The following CTNNA2 variants were observed in gnomAD, a reference collection of about 807,000 sequenced individuals.
CTNNA2 encodes the protein catenin alpha-2.
A neutral mutation model predicts 101.0 loss-of-function variants in CTNNA2; 42 were observed. The ratio of observed to expected loss-of-function variants is 0.42; its 90% CI spans 0.32 to 0.54. CTNNA2 has a LOEUF of 0.54. Ranked by LOEUF, CTNNA2 falls within the 20% of genes least tolerant of loss-of-function variation. CTNNA2 has a pLI of 0.14. For synonymous variants in CTNNA2, 450 were observed against 456.4 expected, an observed-to-expected ratio of 0.99 and a Z score of 0.18; for missense variants, 871 against 1,223.1, an observed-to-expected ratio of 0.71 and a Z score of 4.29.
At chr2:79,217,657 G>A (rs969935252) in intron 2 of CTNNA2, among the ~76,000 whole-genome samples, 1 of 152,158 alleles carries the variant, frequency 6.6e-6, no homozygotes, top group Non-Finnish European at 1.5e-5. Context: ...GGATGTGTAC[G>A]TGCAGGTCAC....
chr2:79,192,969 T>C lies in CTNNA2; in HGVS notation c.-523-4990T>C, dbSNP rs114486068. ...CTCCTACCCAATCACATTCATTTCC[T>C]CCTCCCTTCAAGTTACTATCCTCTT... On this transcript the variant is annotated intron_variant, in intron 1 of 21. Coordinates refer to the CTNNA2 transcript ENST00000466387. Among the ~76,000 whole-genome samples, 428 of 152,302 alleles carry C rather than the reference T, an allele frequency of 2.8e-3. 1 individual carries two copies. Among genetic ancestry groups the C allele is most frequent in the African/African-American group, 1.0e-2 (414 of 41,576 alleles).
chr2:80,590,487 G>A (rs1696386981), intron 15 of CTNNA2, among the ~76,000 whole-genome samples: 1 of 151,898 alleles, frequency 6.6e-6, no homozygotes, highest in Non-Finnish European at 1.5e-5. Flanking sequence ...GATTTAACGT[G>A]GCATTTGTTA....
chr2:80,008,954 A>G (rs1693572379), intron 7 of CTNNA2, among the ~76,000 whole-genome samples: 1 of 152,156 alleles, frequency 6.6e-6, no homozygotes, highest in Non-Finnish European at 1.5e-5. Flanking sequence ...AATATTTTAG[A>G]CTTTCCGAGA....
chr2:79,959,564 A>T (rs1264374293), intron 7 of CTNNA2, among the ~76,000 whole-genome samples: 1 of 152,176 alleles, frequency 6.6e-6, no homozygotes, highest in Admixed American at 6.5e-5. Context: ...GGAAGGCGCA[A>T]TCCTTTGGGA....
chr2:79,680,960 C>A (rs1404572457), intron 2 of CTNNA2, among the ~76,000 whole-genome samples: 2 of 152,070 alleles, frequency 1.3e-5, no homozygotes, highest in Non-Finnish European at 2.9e-5. Context: ...ACTGAAGGAA[C>A]CATAGAAGTT....
intron 2 of CTNNA2, among the ~76,000 whole-genome samples, chr2:79,654,424 A>G (rs965113881): frequency 6.6e-6 from 1 of 152,152 alleles, no homozygotes; most frequent in Non-Finnish European, 1.5e-5. Context: ...TCTGCAGTCC[A>G]CCTGCATCCC....
intron 13 of CTNNA2, among the ~76,000 whole-genome samples, chr2:80,580,981 ACTCCAGCCTGGGCT>A (rs1695485544): frequency 1.3e-5 from 2 of 151,864 alleles, no homozygotes; most frequent in Non-Finnish European, 2.9e-5. Flanking sequence ...CCACTGCTGC[ACTCCAGCCTGGGCT>A]ACACAGTGAG....
intron 7 of CTNNA2, among the ~76,000 whole-genome samples, chr2:79,982,388 T>C (rs1367644020): frequency 4.8e-5 from 7 of 144,434 alleles, no homozygotes; most frequent in African/African-American, 7.8e-5. Flanking sequence ...ATATATAACA[T>C]ATATAACATA....
chr2:79,212,372 T>C, intron 2 of CTNNA2, among the ~76,000 whole-genome samples: 1 of 152,156 alleles, frequency 6.6e-6, no homozygotes. Flanking sequence ...AAAAGGAGCG[T>C]CTATACAGGA....
At position 79,370,594 on chromosome 2, in the gene CTNNA2, C is replaced by G. The variant is rs76238972; in HGVS notation, c.-317-3237C>G. Among the ~76,000 whole-genome samples the G allele has an allele frequency of 1.5e-3, 221 of 152,050 alleles. 3 individuals are homozygous for G. The highest frequency in any genetic ancestry group is 9.0e-3 in the Admixed American group (138 of 15,276). On this transcript the variant is annotated intron_variant, in intron 3 of 21. Coordinates refer to the CTNNA2 transcript ENST00000466387. Reference sequence around the variant, plus strand: ...TATCTTTGCACTCAGGACTCCTGAACTCCCTGTATTATTTTTTAAAGCAAT... The same window carrying G: ...TATCTTTGCACTCAGGACTCCTGAAGTCCCTGTATTATTTTTTAAAGCAAT...
At chr2:79,976,943 T>C (rs2104592130) in intron 7 of CTNNA2, among the ~76,000 whole-genome samples, 1 of 152,302 alleles carries the variant, frequency 6.6e-6, no homozygotes, top group Middle Eastern at 3.4e-3. Flanking sequence ...GTTTCTTAAA[T>C]ATGAGACTTG....
chr2:79,728,317 T>C (rs1366695992), intron 2 of CTNNA2, among the ~76,000 whole-genome samples: 6 of 152,240 alleles, frequency 3.9e-5, no homozygotes, highest in African/African-American at 1.2e-4. Context: ...TTTGCATTTC[T>C]CTGATGGCCA....
chr2:80,568,842 C>T (rs1397476257), intron 12 of CTNNA2, among the ~76,000 whole-genome samples: 1 of 152,090 alleles, frequency 6.6e-6, no homozygotes, highest in Non-Finnish European at 1.5e-5. Context: ...CTAACTGGAA[C>T]ATTTGAGAAT....
intron 2 of CTNNA2, 83 bp downstream of exon 2, chr2:79,651,741 C>G: frequency 8.8e-7 from 1 of 1,136,378 alleles, no homozygotes; most frequent in Non-Finnish European, 1.3e-6. Context: ...CTTAGACATC[C>G]TTAAAAGAGA....
At chr2:79,334,381 C>T (rs1676945187) in intron 3 of CTNNA2, among the ~76,000 whole-genome samples, 1 of 151,766 alleles carries the variant, frequency 6.6e-6, no homozygotes, top group Admixed American at 6.6e-5. Context: ...AAAAAAAAAG[C>T]TGCCTGTTTA....
chr2:79,793,664 C>G (rs1266963972), intron 3 of CTNNA2, among the ~76,000 whole-genome samples: 1 of 152,004 alleles, frequency 6.6e-6, no homozygotes, highest in African/African-American at 2.4e-5. Flanking sequence ...GCAAAAAGAT[C>G]GAAGACCCAT....
intron 7 of CTNNA2, among the ~76,000 whole-genome samples, chr2:80,083,828 A>G (rs1044498510): frequency 6.6e-6 from 1 of 152,160 alleles, no homozygotes; most frequent in African/African-American, 2.4e-5. Context: ...ATGAATTTTT[A>G]ATATTCCTGT....
chr2:80,204,359 A>G (rs1707397617), intron 7 of CTNNA2, among the ~76,000 whole-genome samples: 1 of 152,196 alleles, frequency 6.6e-6, no homozygotes, highest in South Asian at 2.1e-4. Flanking sequence ...AATGCTTAAC[A>G]GCACCCAAGT....
intron 7 of CTNNA2, among the ~76,000 whole-genome samples, chr2:80,210,996 T>C (rs536920010): frequency 3.9e-5 from 6 of 152,370 alleles, no homozygotes; most frequent in African/African-American, 1.4e-4. Flanking sequence ...ATGTGTCTGT[T>C]GGCTGCATAA....
Sources: gnomAD v4.1 joint callset for allele counts (sites outside exome capture counted in the v4.1 genomes callset) on GRCh38, gnomAD v4.1.1 for gene constraint, MANE v1.5 for transcripts, NCBI Gene and HGNC (gene_info 2026-07-23, HGNC 2026-07-21) for gene names.